Variants in THSD4 observed in about 807,000 individuals in gnomAD.
THSD4 encodes thrombospondin type-1 domain-containing protein 4.
THSD4 carries 69 observed loss-of-function variants against 119.0 expected under a neutral mutation model. The observed-to-expected ratio is 0.58, with a 90% CI of 0.48 to 0.71. THSD4 has a LOEUF of 0.71. Among genes scored for constraint, THSD4 ranks in the 30% least tolerant of loss-of-function variants. The pLI is 0.00. For missense variants in THSD4, 1,393 were observed against 1,391.1 expected (o/e 1.00, Z -0.02); for synonymous variants, 524 against 540.4 (o/e 0.97, Z 0.42).
At chr15:71,149,669 C>T (rs1334615969) in intron 2 of THSD4, among the ~76,000 whole-genome samples, 1 of 152,118 alleles carries the variant, frequency 6.6e-6, no homozygotes, top group Non-Finnish European at 1.5e-5. Context: ...CCCAAAATAT[C>T]TCTTGGGTTG....
chr15:71,752,082 A>G (rs975678935), intron 14 of THSD4, among the ~76,000 whole-genome samples: 2 of 152,110 alleles, frequency 1.3e-5, no homozygotes, highest in Non-Finnish European at 2.9e-5. Context: ...TTTTGTTGCC[A>G]TGATTCTTTA....
At chr15:71,703,376 TTTA>T (rs1175569244) in intron 8 of THSD4, among the ~76,000 whole-genome samples, 1 of 152,326 alleles carries the variant, frequency 6.6e-6, no homozygotes, top group South Asian at 2.1e-4. Flanking sequence ...AAATGATAGT[TTTA>T]TTATTTTAAT....
intron 7 of THSD4, among the ~76,000 whole-genome samples, chr15:71,427,270 G>GGGCAAGGCACTGGGCAAGGCACTA (rs2046883808): frequency 6.6e-6 from 1 of 151,912 alleles, no homozygotes; most frequent in Non-Finnish European, 1.5e-5. Flanking sequence ...GCAAGGCACT[G>GGGCAAGGCACTGGGCAAGGCACTA]GGATGAAACA....
chr15:71,678,387 T>C (rs2051694954), intron 8 of THSD4, among the ~76,000 whole-genome samples: 1 of 152,212 alleles, frequency 6.6e-6, no homozygotes, highest in Admixed American at 6.5e-5. Context: ...TGCTTCTCCA[T>C]GGTTACTGCT....
intron 7 of THSD4, among the ~76,000 whole-genome samples, chr15:71,526,658 A>C (rs2048524605): frequency 6.6e-6 from 1 of 152,212 alleles, no homozygotes; most frequent in African/African-American, 2.4e-5. Flanking sequence ...TTAATCTCTC[A>C]CTTGTGCAAA....
At chr15:71,238,907 A>G (rs117153971) in intron 4 of THSD4, among the ~76,000 whole-genome samples, 1,549 of 152,294 alleles carry the variant, frequency 0.01, 11 homozygotes, top group Admixed American at 0.018. Context: ...TTACCTACCC[A>G]CTAGGAATGT....
chr15:71,525,722 A>G (rs2048508690), intron 7 of THSD4, among the ~76,000 whole-genome samples: 2 of 152,252 alleles, frequency 1.3e-5, no homozygotes, highest in Non-Finnish European at 2.9e-5. Flanking sequence ...AATCATGCTG[A>G]AAAGTCAGAA....
intron 7 of THSD4, among the ~76,000 whole-genome samples, chr15:71,484,911 G>A (rs553355482): frequency 3.3e-5 from 5 of 152,120 alleles, no homozygotes; most frequent in South Asian, 2.1e-4. Flanking sequence ...TGCTTAAGAC[G>A]TCCCATCATC....
chr15:71,718,534 A>G (rs1295195242), intron 8 of THSD4, among the ~76,000 whole-genome samples: 1 of 152,158 alleles, frequency 6.6e-6, no homozygotes, highest in Admixed American at 6.5e-5. Flanking sequence ...CTGCCAGCGT[A>G]GGCTCCTAAA....
chr15:71,124,838 T>A (rs2040439331), intron 1 of THSD4, among the ~76,000 whole-genome samples: 1 of 151,940 alleles, frequency 6.6e-6, no homozygotes, highest in Non-Finnish European at 1.5e-5. Flanking sequence ...AGCCCAGGAG[T>A]TCGAGACCAG....
intron 7 of THSD4, among the ~76,000 whole-genome samples, chr15:71,413,547 C>T (rs770158926): frequency 7.2e-5 from 11 of 152,084 alleles, no homozygotes; most frequent in Non-Finnish European, 1.3e-4. Context: ...TGAGTGAAAA[C>T]GTGATATTTG....
chr15:71,682,883 T>A (rs1201919955), intron 8 of THSD4, among the ~76,000 whole-genome samples: 7 of 73,170 alleles, frequency 9.6e-5, no homozygotes, highest in Non-Finnish European at 1.8e-4. Context: ...TTTCTTTCTT[T>A]CTTTCTTTCT....
chr15:71,474,674 T>C (rs142893608), intron 7 of THSD4, among the ~76,000 whole-genome samples: 114 of 152,312 alleles, frequency 7.5e-4, no homozygotes, highest in African/African-American at 1.9e-3. Flanking sequence ...TGTATGTGAA[T>C]TGCATCATCA....
chr15:71,742,357 T>G (rs2053252790), intron 11 of THSD4, among the ~76,000 whole-genome samples: 1 of 152,212 alleles, frequency 6.6e-6, no homozygotes, highest in South Asian at 2.1e-4. Flanking sequence ...CTTGTTTCAT[T>G]TGATTCCTAG....
chr15:71,554,630 A>G (rs2048989863), intron 7 of THSD4, among the ~76,000 whole-genome samples: 1 of 151,936 alleles, frequency 6.6e-6, no homozygotes, highest in South Asian at 2.1e-4. Flanking sequence ...TCCTGGACCC[A>G]AGTGATCCTC....
At chr15:71,174,156 G>T (rs990496891) in intron 3 of THSD4, among the ~76,000 whole-genome samples, 2 of 152,134 alleles carry the variant, frequency 1.3e-5, no homozygotes, top group Non-Finnish European at 2.9e-5. Context: ...CAAGATGGCC[G>T]AATAGGAACA....
At chr15:71,140,408 T>C (rs1453445486) in intron 1 of THSD4, among the ~76,000 whole-genome samples, 1 of 152,080 alleles carries the variant, frequency 6.6e-6, no homozygotes, top group Admixed American at 6.5e-5. Context: ...GATCTCACCC[T>C]AACTAATAGA....
At chr15:71,284,985 T>C (rs879353366) in intron 6 of THSD4, among the ~76,000 whole-genome samples, 2 of 152,308 alleles carry the variant, frequency 1.3e-5, no homozygotes, top group South Asian at 2.1e-4. Context: ...ATTCAACCAC[T>C]GTCTGCATTG....
At chr15:71,368,872 G>A (rs574970352) in intron 6 of THSD4, among the ~76,000 whole-genome samples, 2 of 152,248 alleles carry the variant, frequency 1.3e-5, no homozygotes, top group East Asian at 3.9e-4. Flanking sequence ...AAATTACCTT[G>A]GGCAGTATGG....
Sources: allele counts gnomAD v4.1 joint callset (sites outside exome capture counted in the v4.1 genomes callset), GRCh38; gene constraint gnomAD v4.1.1; transcripts MANE v1.5; gene names NCBI Gene and HGNC (gene_info 2026-07-23, HGNC 2026-07-21).